Variants in ADAMTS16 observed in about 807,000 individuals in gnomAD.
ADAMTS16 encodes the protein ADAM metallopeptidase with thrombospondin type 1 motif 16.
Under a neutral mutation model 145.8 loss-of-function variants are expected in ADAMTS16, and 94 were observed. The ratio of observed to expected loss-of-function variants is 0.64; its 90% CI spans 0.55 to 0.77. The LOEUF is 0.77. ADAMTS16 is among the 30% of genes least tolerant of loss of function. The pLI, the probability that ADAMTS16 is intolerant of heterozygous loss-of-function variation, is 0.00. For missense variants in ADAMTS16, 1,585 were observed against 1,591.5 expected, an observed-to-expected ratio of 1.00 and a Z score of 0.07; for synonymous variants, 659 against 604.3, an observed-to-expected ratio of 1.09 and a Z score of -1.33.
chr5:5,187,599 T>C (rs1735541030), intron 5 of ADAMTS16, 126 bp from the exon 6 acceptor site: 1 of 704,526 alleles, frequency 1.4e-6, no homozygotes, highest in Non-Finnish European at 2.5e-6. Context: ...TCTGTCTGCC[T>C]AGCAATACAA....
chr5:5,299,038 G>A (rs575744735), intron 18 of ADAMTS16, among the ~76,000 whole-genome samples: 2 of 152,282 alleles, frequency 1.3e-5, no homozygotes, highest in East Asian at 1.9e-4. Flanking sequence ...TCCAGCACCC[G>A]CCACTCTGGA....
chr5:5,182,405 G>C, intron 4 of ADAMTS16, 100 bp downstream of exon 4: 2 of 1,467,126 alleles, frequency 1.4e-6, no homozygotes, highest in Non-Finnish European at 1.8e-6. Context: ...TGCCCACGGG[G>C]TGAAATCTAT....
chr5:5,221,551 G>A (rs766376763), intron 10 of ADAMTS16, among the ~76,000 whole-genome samples: 5 of 152,086 alleles, frequency 3.3e-5, no homozygotes, highest in Non-Finnish European at 5.9e-5. Context: ...AAACCACAGC[G>A]CAATATGAAA....
At chr5:5,200,616 C>T (rs1341576265) in intron 9 of ADAMTS16, among the ~76,000 whole-genome samples, 1 of 152,200 alleles carries the variant, frequency 6.6e-6, no homozygotes, top group Non-Finnish European at 1.5e-5. Flanking sequence ...TACATGTACA[C>T]ATCTGTATAC....
chr5:5,308,696 C>T (rs1257640588), intron 21 of ADAMTS16, among the ~76,000 whole-genome samples: 1 of 152,174 alleles, frequency 6.6e-6, no homozygotes, highest in Admixed American at 6.5e-5. Flanking sequence ...TCCCTGTAAT[C>T]CCAGCACTTT....
intron 18 of ADAMTS16, among the ~76,000 whole-genome samples, chr5:5,286,279 C>G (rs533480934): frequency 3.3e-5 from 5 of 152,194 alleles, no homozygotes; most frequent in African/African-American, 1.2e-4. Context: ...ATGATTAGGC[C>G]TTTTTGCAGC....
rs1208575045 is a variant in ADAMTS16 at position 5,212,197 on chromosome 5, TTGTTTTGTTTTGTTTTG to T, written c.1605+2953_1605+2969del. Among the ~76,000 whole-genome samples, 406 of 100,576 alleles carry T rather than the reference TTGTTTTGTTTTGTTTTG, an allele frequency of 4.0e-3. 18 individuals are homozygous for T. Among genetic ancestry groups the T allele is most frequent in the Middle Eastern group, 0.029 (6 of 204 alleles). The allele number at this position is 100,576 out of a possible 152,430, so 66.0% of individuals were successfully genotyped here. ...GTACTATTAGTTTCTGGGGTTTTTT[TTGTTTTGTTTTGTTTTG>T]TTTTTTTTTTTGAGATGGAGTCTTG... On this transcript the variant is annotated intron_variant, in intron 10 of 22. Coordinates refer to ENST00000274181, the MANE Select transcript of ADAMTS16 (RefSeq NM_139056.4).
At chr5:5,185,102 A>G (rs1735461456) in intron 4 of ADAMTS16, among the ~76,000 whole-genome samples, 1 of 152,212 alleles carries the variant, frequency 6.6e-6, no homozygotes, top group South Asian at 2.1e-4. Context: ...CGGGCATTGC[A>G]TAAACATTAA....
chr5:5,224,565 A>G (rs148750266), intron 11 of ADAMTS16, among the ~76,000 whole-genome samples: 1,838 of 152,320 alleles, frequency 0.012, 34 homozygotes, highest in African/African-American at 0.041. Flanking sequence ...CTGGGATTAC[A>G]GGTGTGAGCC....
chr5:5,213,994 C>T (rs536199681), intron 10 of ADAMTS16, among the ~76,000 whole-genome samples: 4 of 152,354 alleles, frequency 2.6e-5, no homozygotes, highest in South Asian at 2.1e-4. Context: ...TCTACTCTGA[C>T]CTCTGCATCC....
intron 20 of ADAMTS16, among the ~76,000 whole-genome samples, chr5:5,305,031 ATC>A (rs879110174): frequency 1.3e-3 from 50 of 38,120 alleles, no homozygotes; most frequent in Non-Finnish European, 1.8e-3. Context: ...ACACACACAC[ATC>A]CATCCCACAC....
chr5:5,277,576 G>A (rs1001421166), intron 18 of ADAMTS16, among the ~76,000 whole-genome samples: 5 of 152,174 alleles, frequency 3.3e-5, no homozygotes, highest in Non-Finnish European at 7.4e-5. Flanking sequence ...CTCAGCTCCA[G>A]CCACCCACAT....
At chr5:5,276,295 T>A (rs1349149418) in intron 18 of ADAMTS16, among the ~76,000 whole-genome samples, 3 of 152,256 alleles carry the variant, frequency 2.0e-5, no homozygotes, top group Non-Finnish European at 4.4e-5. Context: ...TTCATGTCTC[T>A]GCTCATTTCT....
intron 18 of ADAMTS16, among the ~76,000 whole-genome samples, chr5:5,276,087 G>C (rs1367137036): frequency 1.5e-4 from 22 of 151,578 alleles, no homozygotes; most frequent in Non-Finnish European, 2.8e-4. Flanking sequence ...TTGAACTCCT[G>C]ACCTCAGGTG....
intron 17 of ADAMTS16, among the ~76,000 whole-genome samples, 187 bp downstream of exon 17, chr5:5,242,378 T>G (rs947954387): frequency 6.6e-6 from 1 of 152,186 alleles, no homozygotes; most frequent in African/African-American, 2.4e-5. Flanking sequence ...CCTTCTCCAG[T>G]CTATCTGCTT....
intron 18 of ADAMTS16, among the ~76,000 whole-genome samples, chr5:5,301,637 AGCTCTCTGGGCTTCT>A (rs1436285659): frequency 6.6e-6 from 1 of 152,172 alleles, no homozygotes; most frequent in Non-Finnish European, 1.5e-5. Context: ...TTCCTGGCCA[AGCTCTCTGGGCTTCT>A]GCTTTGACAC....
chr5:5,315,882 A>G (rs987203373), intron 21 of ADAMTS16, among the ~76,000 whole-genome samples: 1 of 152,222 alleles, frequency 6.6e-6, no homozygotes, highest in African/African-American at 2.4e-5. Context: ...TTGGGTTTGA[A>G]GCAAAGGGAG....
rs905217112 is a variant in ADAMTS16, at chr5:5,310,680, C to A, written c.3411+3952C>A. 2.0e-5 allele frequency among the ~76,000 whole-genome samples: 3 copies of A among 152,162 alleles called. No homozygotes were observed. Among genetic ancestry groups the A allele is most frequent in the African/African-American group, 4.8e-5 (2 of 41,442 alleles). ...ACTGCCAGCACCACCAGATTCTGCACCAGGCATGACGGGCCCTCCCTCAAC... is the reference window on the plus strand; with the variant it reads ...ACTGCCAGCACCACCAGATTCTGCAACAGGCATGACGGGCCCTCCCTCAAC... On this transcript the variant is annotated intron_variant, in intron 21 of 22. Coordinates refer to ENST00000274181, the MANE Select transcript of ADAMTS16 (RefSeq NM_139056.4). The surrounding 1 kb of genome is among the most constrained non-coding windows in gnomAD (Gnocchi z 4.3).
chr5:5,165,624 A>C (rs188480025), intron 3 of ADAMTS16, among the ~76,000 whole-genome samples: 64 of 152,342 alleles, frequency 4.2e-4, no homozygotes, highest in Non-Finnish European at 7.8e-4. Context: ...CGGTAGGAGA[A>C]GTACCACTAG....
Sources: allele counts gnomAD v4.1 joint callset (sites outside exome capture counted in the v4.1 genomes callset), GRCh38; gene constraint gnomAD v4.1.1; non-coding constraint Gnocchi (gnomAD v3.1); transcripts MANE v1.5; gene names NCBI Gene and HGNC (gene_info 2026-07-23, HGNC 2026-07-21).